ROBO1: variants seen among roughly 807,000 people sequenced by gnomAD.
The protein encoded by ROBO1 is roundabout homolog 1.
In ROBO1, 149 loss-of-function variants were observed where a neutral mutation model predicts 195.9. That is an observed-to-expected ratio of 0.76 (90% CI 0.67 to 0.87). The LOEUF is 0.87. Among genes scored for constraint, ROBO1 ranks in the 40% least tolerant of loss-of-function variants. ROBO1 has a pLI of 0.00. For synonymous variants in ROBO1, 816 were observed against 733.2 expected (o/e 1.11, Z -1.82); for missense variants, 1,933 against 2,068.3 (o/e 0.93, Z 1.27).
chr3:79,156,302 T>C (rs1421871994), intron 2 of ROBO1, among the ~76,000 whole-genome samples: 3 of 151,696 alleles, frequency 2.0e-5, no homozygotes, highest in Admixed American at 1.3e-4. Context: ...TTATTGGCTA[T>C]AAATTAAATT....
intron 2 of ROBO1, among the ~76,000 whole-genome samples, chr3:79,388,982 T>C (rs1017520719): frequency 2.0e-5 from 3 of 151,978 alleles, no homozygotes; most frequent in Non-Finnish European, 4.4e-5. Flanking sequence ...AAAGTAAACT[T>C]CATAAAGGTC....
intron 1 of ROBO1, among the ~76,000 whole-genome samples, chr3:79,632,470 C>A (rs1945374241): frequency 6.6e-6 from 1 of 151,914 alleles, no homozygotes; most frequent in Non-Finnish European, 1.5e-5. Context: ...CTGAGGATTC[C>A]AAAAAAGTAG....
intron 1 of ROBO1, among the ~76,000 whole-genome samples, chr3:79,656,622 GATGGGCTCATATCTA>G (rs1217516486): frequency 6.6e-6 from 1 of 151,892 alleles, no homozygotes; most frequent in Admixed American, 6.6e-5. Context: ...GGCTGGGAGG[GATGGGCTCATATCTA>G]TAATCCCAGC....
chr3:78,704,763 G>T (rs758495807), intron 8 of ROBO1, among the ~76,000 whole-genome samples: 1 of 151,754 alleles, frequency 6.6e-6, no homozygotes, highest in Non-Finnish European at 1.5e-5. Flanking sequence ...GATTGCTTCA[G>T]CCCAGGTGGT....
chr3:79,528,820 C>T (rs1305161508), intron 2 of ROBO1, among the ~76,000 whole-genome samples: 3 of 152,112 alleles, frequency 2.0e-5, no homozygotes, highest in Non-Finnish European at 2.9e-5. Flanking sequence ...CAGCTGAATT[C>T]CTCAACCACA....
rs548100668 is a variant in ROBO1, at chr3:79,011,669, T to TTA, written c.173-72744_173-72743dup. On this transcript the variant is annotated intron_variant, in intron 3 of 30. Coordinates refer to ENST00000464233, the MANE Select transcript of ROBO1 (RefSeq NM_002941.4). Reference sequence around the variant, plus strand: ...TTTTTTCATAATGTTTTATATATATTTATATATAAATATATATGTTTTTCA... The same window carrying TTA: ...TTTTTTCATAATGTTTTATATATATTTATATATATAAATATATATGTTTTTCA... 9.3e-3 allele frequency among the ~76,000 whole-genome samples: 1,381 copies of TTA among 148,252 alleles called. 20 individuals carry two copies. Among genetic ancestry groups the TTA allele is most frequent in the African/African-American group, 0.032 (1,313 of 40,852 alleles).
At chr3:79,367,056 C>A (rs2109323967) in intron 2 of ROBO1, among the ~76,000 whole-genome samples, 1 of 152,256 alleles carries the variant, frequency 6.6e-6, no homozygotes, top group Admixed American at 6.5e-5. Flanking sequence ...TGCAGCTATA[C>A]ATTATAATTA....
intron 3 of ROBO1, among the ~76,000 whole-genome samples, chr3:79,024,390 C>A (rs1483205376): frequency 2.0e-5 from 3 of 152,038 alleles, no homozygotes; most frequent in East Asian, 1.9e-4. Context: ...CTTTGGGGTC[C>A]CTTACAAACA....
intron 2 of ROBO1, among the ~76,000 whole-genome samples, chr3:79,395,721 T>C (rs2037131389): frequency 6.6e-6 from 1 of 152,150 alleles, no homozygotes; most frequent in Non-Finnish European, 1.5e-5. Context: ...AAATTTTTCA[T>C]GACAGTATGT....
intron 1 of ROBO1, among the ~76,000 whole-genome samples, chr3:79,730,534 AT>A (rs1336250699): frequency 9.2e-5 from 14 of 152,152 alleles, no homozygotes; most frequent in Non-Finnish European, 8.8e-5. Flanking sequence ...TTGGGGGCCA[AT>A]AAAAAAAATT....
intron 1 of ROBO1, among the ~76,000 whole-genome samples, chr3:79,741,967 A>G (rs560443718): frequency 6.6e-6 from 1 of 152,298 alleles, no homozygotes; most frequent in African/African-American, 2.4e-5. Flanking sequence ...TGGTGGTTAT[A>G]TTTCTAAGCA....
At chr3:79,702,018 A>G (rs923274369) in intron 1 of ROBO1, among the ~76,000 whole-genome samples, 1 of 151,772 alleles carries the variant, frequency 6.6e-6, no homozygotes, top group African/African-American at 2.4e-5. Context: ...TTCCCATCAG[A>G]TCACACCACT....
chr3:79,026,551 A>G (rs1559603927), intron 3 of ROBO1, among the ~76,000 whole-genome samples: 1 of 152,038 alleles, frequency 6.6e-6, no homozygotes, highest in Non-Finnish European at 1.5e-5. Context: ...AAGTGGTTTC[A>G]TGTTTCTTTT....
Position 79,694,951 on chromosome 3 carries a change from AAAT to A in ROBO1, c.-51+72798_-51+72800del, listed in dbSNP as rs554698456. 2.0e-3 allele frequency among the ~76,000 whole-genome samples: 307 copies of A among 151,760 alleles called. 2 individuals are homozygous for A. The highest frequency in any genetic ancestry group is 6.9e-3 in the African/African-American group (287 of 41,508). On this transcript the variant is annotated intron_variant, in intron 1 of 30. Transcript: ENST00000464233. ...TTGATTCTAGGATTCTCTCTTATGA[AAAT>A]AATTATAATAAAATATTGATACTTT...
At chr3:79,445,094 A>G (rs1440180589) in intron 2 of ROBO1, among the ~76,000 whole-genome samples, 7 of 152,012 alleles carry the variant, frequency 4.6e-5, no homozygotes, top group Non-Finnish European at 8.8e-5. Context: ...CTATTTTATG[A>G]CAATCAGTCC....
At chr3:79,270,103 C>T (rs2030389089) in intron 2 of ROBO1, among the ~76,000 whole-genome samples, 2 of 150,688 alleles carry the variant, frequency 1.3e-5, no homozygotes, top group South Asian at 2.1e-4. Context: ...TAACAACCAT[C>T]GACTAGGACA....
At chr3:79,205,552 C>CT (rs1170986075) in intron 2 of ROBO1, among the ~76,000 whole-genome samples, 1 of 152,192 alleles carries the variant, frequency 6.6e-6, no homozygotes, top group African/African-American at 2.4e-5. Context: ...GACTCTATTT[C>CT]TTTTTTCTGG....
chr3:79,475,615 C>T (rs1938511596), intron 2 of ROBO1, among the ~76,000 whole-genome samples: 1 of 151,950 alleles, frequency 6.6e-6, no homozygotes, highest in African/African-American at 2.4e-5. Flanking sequence ...TACTATATTA[C>T]TTAAAATGGT....
At chr3:79,247,851 G>T (rs1204405124) in intron 2 of ROBO1, among the ~76,000 whole-genome samples, 1 of 152,020 alleles carries the variant, frequency 6.6e-6, no homozygotes, top group Non-Finnish European at 1.5e-5. Context: ...ATTTAAACTG[G>T]AAAGTCCCAG....
Sources: gnomAD v4.1 joint callset for allele counts (sites outside exome capture counted in the v4.1 genomes callset) on GRCh38, gnomAD v4.1.1 for gene constraint, MANE v1.5 for transcripts, NCBI Gene and HGNC (gene_info 2026-07-23, HGNC 2026-07-21) for gene names.